PUM1: variants seen among roughly 807,000 people sequenced by gnomAD.
PUM1 encodes the protein pumilio RNA binding family member 1.
A neutral mutation model predicts 131.8 loss-of-function variants in PUM1; 13 were observed. The observed-to-expected ratio is 0.10, with a 90% CI of 0.06 to 0.16. The LOEUF (loss-of-function observed/expected upper bound fraction) is 0.16, where lower values mean the gene tolerates loss of function less well. Ranked by LOEUF, PUM1 falls within the 10% of genes least tolerant of loss-of-function variation. The pLI is 1.00. For missense variants in PUM1, 961 were observed against 1,512.4 expected (o/e 0.64, Z 6.05); for synonymous variants, 509 against 556.5 (o/e 0.91, Z 1.20).
At chr1:30,994,270 TA>T (rs1424008818) in intron 6 of PUM1, among the ~76,000 whole-genome samples, 2 of 152,082 alleles carry the variant, frequency 1.3e-5, no homozygotes, top group Non-Finnish European at 2.9e-5. Flanking sequence ...GCACACACAT[TA>T]GCTTTACACT....
chr1:31,004,339 C>A (rs1436890851), intron 5 of PUM1, among the ~76,000 whole-genome samples: 1 of 152,178 alleles, frequency 6.6e-6, no homozygotes, highest in Admixed American at 6.5e-5. Flanking sequence ...ACTGATCACA[C>A]ACATGACAGA....
At chr1:31,062,974 T>C (rs1644402111) in intron 1 of PUM1, among the ~76,000 whole-genome samples, 1 of 152,222 alleles carries the variant, frequency 6.6e-6, no homozygotes, top group Non-Finnish European at 1.5e-5. Context: ...CTTAGCAGGG[T>C]ACTGGAGTAG....
intron 2 of PUM1, among the ~76,000 whole-genome samples, chr1:31,047,456 T>C (rs2124581926): frequency 6.6e-6 from 1 of 152,350 alleles, no homozygotes; most frequent in South Asian, 2.1e-4. Flanking sequence ...TTAAGTCCTT[T>C]CACAAGAGTG....
intron 5 of PUM1, among the ~76,000 whole-genome samples, chr1:31,000,433 G>A (rs1029095992): frequency 2.6e-5 from 4 of 152,170 alleles, no homozygotes; most frequent in Admixed American, 1.3e-4. Context: ...CAGACCTACA[G>A]AGAGGCAGAG....
At chr1:30,938,838 C>A (rs1170168022) in intron 20 of PUM1, among the ~76,000 whole-genome samples, 1 of 152,032 alleles carries the variant, frequency 6.6e-6, no homozygotes, top group Admixed American at 6.6e-5. Flanking sequence ...GTACTCCAGC[C>A]TGGGCGACAG....
chr1:31,030,089 C>A (rs542609747), intron 2 of PUM1, among the ~76,000 whole-genome samples: 3 of 151,584 alleles, frequency 2.0e-5, no homozygotes, highest in Non-Finnish European at 4.4e-5. Context: ...TGGTGGCAGG[C>A]GCCTATAATC....
intron 10 of PUM1, among the ~76,000 whole-genome samples, chr1:30,971,901 C>CA (rs879443759): frequency 6.6e-6 from 1 of 152,014 alleles, no homozygotes; most frequent in Admixed American, 6.5e-5. Context: ...ATTTGGCAGC[C>CA]ATTTAAACAA....
chr1:31,006,969 A>G, intron 4 of PUM1, 25 bp downstream of exon 4: 2 of 1,557,622 alleles, frequency 1.3e-6, no homozygotes, highest in Non-Finnish European at 8.8e-7. Context: ...CATAAATCAC[A>G]GTACAGATGC....
chr1:31,056,117 T>C lies in PUM1; in HGVS notation c.363+3087A>G, dbSNP rs1212443440. On this transcript the variant is annotated intron_variant, in intron 2 of 21. Transcript: ENST00000426105. ...ACAGTATACACCCAGATATTCTGCT[T>C]CTACCTCAAACTCAACAGGTGTCCT... 2.0e-5 allele frequency among the ~76,000 whole-genome samples: 3 copies of C among 152,146 alleles called. No individual in the cohort carries two copies. The East Asian group carries it at 5.8e-4, about 29-fold the overall frequency.
At chr1:30,983,070 A>C (rs1641413154) in intron 7 of PUM1, among the ~76,000 whole-genome samples, 1 of 152,210 alleles carries the variant, frequency 6.6e-6, no homozygotes, top group Admixed American at 6.5e-5. Flanking sequence ...TTATCAAAAC[A>C]TTTGTCCTCC....
At chr1:31,021,462 G>C (rs1250794513) in intron 3 of PUM1, among the ~76,000 whole-genome samples, 1 of 152,146 alleles carries the variant, frequency 6.6e-6, no homozygotes, top group Non-Finnish European at 1.5e-5. Context: ...TTACTGATAT[G>C]ATTCTTTCAA....
Position 30,967,416 on chromosome 1 carries a change from G to A in PUM1, c.1646-106C>T, listed in dbSNP as rs184690909. ...ACAAACTCAGCTTTGAGGTTGAATT[G>A]GCCAGATTTATATACTGGCTCCATC... On this transcript the variant is annotated intron_variant, in intron 11 of 21. Transcript: ENST00000426105. The A allele has an allele frequency of 4.3e-6, 5 of 1,163,416 alleles. No individual in the cohort carries two copies. In the Admixed American group the frequency reaches 1.1e-4, roughly 25 times the overall value. 72.1% of individuals were successfully genotyped at this position (1,163,416 alleles called of 1,614,324 possible). A position where few individuals can be genotyped will look rare whatever the true frequency, so the allele number is the denominator to read the frequency against.
chr1:30,982,405 A>T (rs750909042), intron 7 of PUM1, among the ~76,000 whole-genome samples: 71 of 152,230 alleles, frequency 4.7e-4, no homozygotes, highest in Non-Finnish European at 7.8e-4. Flanking sequence ...AAGAAAGGGG[A>T]TGCCAGTAAC....
intron 2 of PUM1, among the ~76,000 whole-genome samples, chr1:31,055,953 A>T (rs1644225204): frequency 6.6e-6 from 1 of 152,202 alleles, no homozygotes; most frequent in Non-Finnish European, 1.5e-5. Flanking sequence ...CAGATTTTAA[A>T]AAACCAATGT....
intron 10 of PUM1, 66 bp downstream of exon 10, chr1:30,974,585 T>C (rs1641062495): frequency 1.4e-6 from 2 of 1,439,130 alleles, no homozygotes; most frequent in Non-Finnish European, 1.9e-6. Context: ...AGGCGCAATA[T>C]TACCTATTAA....
intron 4 of PUM1, among the ~76,000 whole-genome samples, chr1:31,006,343 A>G (rs919908478): frequency 6.6e-6 from 1 of 152,234 alleles, no homozygotes; most frequent in Non-Finnish European, 1.5e-5. Context: ...TAGTATTACT[A>G]AAACAAAATA....
intron 3 of PUM1, among the ~76,000 whole-genome samples, chr1:31,023,924 CAAAAAAAAAA>C (rs11373685): frequency 1.2e-5 from 1 of 82,146 alleles, no homozygotes; most frequent in East Asian, 2.8e-4. Flanking sequence ...GACTCTGTCT[CAAAAAAAAAA>C]AAAAAAAAAC....
Position 30,992,285 on chromosome 1 carries a change from G to C in PUM1, c.1158+105C>G, listed in dbSNP as rs902183477. On this transcript the variant is annotated intron_variant, in intron 7 of 21. Transcript: ENST00000426105. ...GGTTCACAAGGGCTAGCTATGGATA[G>C]CCTGAAACAATGCCACCACCTCCCC... 2.4e-5 allele frequency: 34 copies of C among 1,438,826 alleles called. No homozygotes were observed. In the African/African-American group the frequency reaches 4.1e-4, roughly 17 times the overall value. 89.1% of individuals were successfully genotyped at this position (1,438,826 alleles called of 1,614,324 possible).
chr1:31,036,094 T>C (rs1057409726), intron 2 of PUM1, among the ~76,000 whole-genome samples: 3 of 151,796 alleles, frequency 2.0e-5, no homozygotes, highest in East Asian at 1.9e-4. Flanking sequence ...TTTTTTTTTT[T>C]AGTCTCACTC....
Sources: gnomAD v4.1 joint callset for allele counts (sites outside exome capture counted in the v4.1 genomes callset) on GRCh38, gnomAD v4.1.1 for gene constraint, MANE v1.5 for transcripts, NCBI Gene and HGNC (gene_info 2026-07-23, HGNC 2026-07-21) for gene names.